The following APPL2 variants were observed in gnomAD, a reference collection of about 807,000 sequenced individuals.
APPL2 encodes the protein DCC-interacting protein 13-beta.
A neutral mutation model predicts 92.7 loss-of-function variants in APPL2; 84 were observed. The ratio of observed to expected loss-of-function variants is 0.91; its 90% CI spans 0.76 to 1.09. The LOEUF is 1.09. APPL2 is among the 50% of genes least tolerant of loss of function. APPL2 has a pLI of 0.00. For missense variants in APPL2, 736 were observed against 824.5 expected, an observed-to-expected ratio of 0.89 and a Z score of 1.31; for synonymous variants, 291 against 291.0, an observed-to-expected ratio of 1.00 and a Z score of 0.00.
intron 4 of APPL2, among the ~76,000 whole-genome samples, chr12:105,211,735 C>T (rs145133383): frequency 9.3e-4 from 142 of 152,302 alleles, no homozygotes; most frequent in African/African-American, 3.1e-3. Context: ...TCCAGGGAGG[C>T]TGAAGCCACG....
chr12:105,207,870 A>C, intron 7 of APPL2, 101 bp downstream of exon 7: 3 of 1,099,074 alleles, frequency 2.7e-6, no homozygotes, highest in South Asian at 2.8e-5. Context: ...AGTTAAAAAA[A>C]AAAATAACCA....
At chr12:105,227,751 T>G (rs1046337191) in intron 2 of APPL2, among the ~76,000 whole-genome samples, 4 of 152,102 alleles carry the variant, frequency 2.6e-5, no homozygotes, top group Admixed American at 1.3e-4. Context: ...ATTAAATGGG[T>G]GCACCTGGAC....
chr12:105,175,828 A>G (rs1472453868), intron 20 of APPL2, among the ~76,000 whole-genome samples: 1 of 152,140 alleles, frequency 6.6e-6, no homozygotes, highest in East Asian at 2.0e-4. Context: ...CAGGAGCTCC[A>G]GCAGTGATAA....
chr12:105,233,397 A>G, intron 1 of APPL2: 2 of 985,488 alleles, frequency 2.0e-6, no homozygotes, highest in Non-Finnish European at 2.4e-6. Context: ...CACACAGACT[A>G]GTTTTACAAT....
chr12:105,196,143 A>G (rs1035352747), intron 11 of APPL2, among the ~76,000 whole-genome samples: 1 of 152,046 alleles, frequency 6.6e-6, no homozygotes, highest in Non-Finnish European at 1.5e-5. Context: ...TTGGACAAAC[A>G]TGGCCGTTTC....
intron 17 of APPL2, among the ~76,000 whole-genome samples, chr12:105,183,070 C>CTTTT (rs56345779): frequency 4.5e-4 from 40 of 88,402 alleles, no homozygotes; most frequent in South Asian, 9.2e-4. Context: ...GCAACCCCTG[C>CTTTT]TTTTTTTTTT....
Position 105,190,012 on chromosome 12 carries a change from A to C in APPL2, c.1385T>G (p.Leu462Arg). 1 of 1,614,190 alleles carries C rather than the reference A, an allele frequency of 6.2e-7. No individual in the cohort carries two copies. The highest frequency in any genetic ancestry group is 8.5e-7 in the Non-Finnish European group (1 of 1,180,028). Residue 462 changes from leucine to arginine, a missense_variant, in exon 15 of 21, where the codon CTT (leucine) becomes CGT (arginine). By Grantham distance (102) the Leu-to-Arg change is moderately radical. Coordinates refer to ENST00000258530, the MANE Select transcript of APPL2 (RefSeq NM_018171.5). ...ATACCTGCTCCCTCTGTTCTGATCA[A>C]GGAATTCTGTAGCAGGAAGCACAAT... is the stretch of plus-strand genomic sequence containing the variant. ...FDIVLPATEF[L>R]DQNRGSRRTN...
At chr12:105,225,388 G>A (rs759292679) in intron 2 of APPL2, among the ~76,000 whole-genome samples, 3 of 152,090 alleles carry the variant, frequency 2.0e-5, no homozygotes, top group Non-Finnish European at 2.9e-5. Context: ...AAATTTCACT[G>A]TAAGCCCCTA....
Position 105,195,436 on chromosome 12 carries a change from G to A in APPL2, c.1152+9C>T. On this transcript the variant is annotated intron_variant, in intron 13 of 20. Transcript: ENST00000258530. ...GAAAAGGGCTGAGATGCCGGTGGCT[G>A]ATAATTACCTCAGGGTTGTCGGTCA... The A allele has an allele frequency of 1.2e-6, 2 of 1,614,174 alleles. No individual in the cohort carries two copies. Among genetic ancestry groups the A allele is most frequent in the Non-Finnish European group, 1.7e-6 (2 of 1,180,034 alleles).
At chr12:105,224,475 G>T (rs545666912) in intron 2 of APPL2, among the ~76,000 whole-genome samples, 2 of 152,354 alleles carry the variant, frequency 1.3e-5, no homozygotes, top group East Asian at 3.9e-4. Flanking sequence ...GGTGGCTAGC[G>T]TGTCAGGAGA....
At chr12:105,226,268 T>C (rs1592837656) in intron 2 of APPL2, among the ~76,000 whole-genome samples, 1 of 152,184 alleles carries the variant, frequency 6.6e-6, no homozygotes, top group East Asian at 1.9e-4. Context: ...AAACCAAGTG[T>C]CCTTGGCCCA....
chr12:105,230,565 T>G (rs967893048), intron 1 of APPL2, among the ~76,000 whole-genome samples: 2 of 152,252 alleles, frequency 1.3e-5, no homozygotes, highest in Admixed American at 6.5e-5. Context: ...AGGCTCATTA[T>G]TTCCCTGCAA....
chr12:105,186,840 C>T (rs934931309), intron 17 of APPL2, among the ~76,000 whole-genome samples: 7 of 151,544 alleles, frequency 4.6e-5, no homozygotes, highest in African/African-American at 1.5e-4. Context: ...TCCCTAGTAA[C>T]ACATAGCATC....
intron 8 of APPL2, 153 bp downstream of exon 8, chr12:105,206,908 G>A (rs1448300464): frequency 4.2e-6 from 4 of 948,762 alleles, no homozygotes; most frequent in Non-Finnish European, 6.0e-6. Context: ...AGCTCAACTG[G>A]AAGCTGTCCA....
chr12:105,174,578 C>G, intron 20 of APPL2, 130 bp from the exon 21 acceptor site: 2 of 906,024 alleles, frequency 2.2e-6, no homozygotes, highest in Non-Finnish European at 3.1e-6. Flanking sequence ...ATGTGCCTTC[C>G]GCTGAGTCTC....
chr12:105,174,072 C>T lies in APPL2; in HGVS notation c.*242G>A, dbSNP rs932558989. 45 of 383,162 alleles carry T rather than the reference C, an allele frequency of 1.2e-4. No homozygotes were observed. The highest frequency in any genetic ancestry group is 6.8e-4 in the Middle Eastern group (1 of 1,480). 23.7% of individuals were successfully genotyped at this position (383,162 alleles called of 1,614,324 possible). A position where few individuals can be genotyped will look rare whatever the true frequency, so the allele number is the denominator to read the frequency against. ...CGCTGAACAATCTAAGAAATTTTAG[C>T]GCAATCTAAGAAAAAAGACTTACCA... is the stretch of plus-strand genomic sequence containing the variant. On this transcript the variant is annotated 3_prime_UTR_variant, in exon 21 of 21. Coordinates refer to ENST00000258530, the MANE Select transcript of APPL2 (RefSeq NM_018171.5).
At chr12:105,186,618 T>TATATATC (rs1566055869) in intron 17 of APPL2, among the ~76,000 whole-genome samples, 5 of 107,672 alleles carry the variant, frequency 4.6e-5, no homozygotes, top group Admixed American at 1.8e-4. Flanking sequence ...ATATATATCA[T>TATATATC]ATATATATCA....
At chr12:105,216,578 T>C (rs1048106847) in intron 4 of APPL2, among the ~76,000 whole-genome samples, 13 of 151,094 alleles carry the variant, frequency 8.6e-5, no homozygotes, top group African/African-American at 3.2e-4. Context: ...ACATGGGGGG[T>C]AGAGGGGATG....
rs1449221865 is a variant in APPL2, at chr12:105,203,721, A to G, written c.686T>C (p.Val229Ala). Residue 229 changes from valine to alanine, a missense_variant, in exon 9 of 21, where the codon GTT becomes GCT. By Grantham distance (64) the Val-to-Ala change is moderately conservative. Coordinates refer to ENST00000258530, the MANE Select transcript of APPL2 (RefSeq NM_018171.5). ...SKRMDSFLSS[V>A]ADMVQSIQVE... ...GCATTACCTTTGAACCATGTCTGCA[A>G]CGGAGGATAAAAAGCTGTCCATACG... 6 of 1,614,120 alleles carry G rather than the reference A, an allele frequency of 3.7e-6. No homozygotes were observed. Among genetic ancestry groups the G allele is most frequent in the Non-Finnish European group, 5.1e-6 (6 of 1,180,038 alleles).
Sources: gnomAD v4.1 joint callset for allele counts (sites outside exome capture counted in the v4.1 genomes callset) on GRCh38, gnomAD v4.1.1 for gene constraint, MANE v1.5 for transcripts, NCBI Gene and HGNC (gene_info 2026-07-23, HGNC 2026-07-21) for gene names.